PRR5L: variants seen among roughly 807,000 people sequenced by gnomAD.
PRR5L encodes proline-rich protein 5-like.
In PRR5L, 21 loss-of-function variants were observed where a neutral mutation model predicts 36.4. The observed-to-expected ratio is 0.58, with a 90% confidence interval of 0.41 to 0.83. PRR5L has a LOEUF of 0.83. Among genes scored for constraint, PRR5L ranks in the 40% least tolerant of loss-of-function variants. The pLI, the probability that PRR5L is intolerant of heterozygous loss-of-function variation, is 0.00. For synonymous variants in PRR5L, 188 were observed against 197.0 expected (o/e 0.95, Z 0.38); for missense variants, 381 against 473.3 (o/e 0.80, Z 1.81).
chr11:36,408,935 GA>G (rs931239949), intron 3 of PRR5L, among the ~76,000 whole-genome samples: 1 of 152,138 alleles, frequency 6.6e-6, no homozygotes, highest in Non-Finnish European at 1.5e-5. Flanking sequence ...TTTATTTATT[GA>G]ATAAATGTGG....
chr11:36,322,528 T>C (rs1038639740), intron 1 of PRR5L, among the ~76,000 whole-genome samples: 5 of 152,208 alleles, frequency 3.3e-5, no homozygotes, highest in Non-Finnish European at 7.3e-5. Context: ...CTTTCTCTAG[T>C]CCATGTTATT....
chr11:36,419,310 T>C lies in PRR5L; in HGVS notation c.294+7T>C, dbSNP rs1481808925. The C allele has an allele frequency of 1.9e-6, 3 of 1,612,838 alleles. No individual in the cohort carries two copies. Among genetic ancestry groups the C allele is most frequent in the Non-Finnish European group, 2.5e-6 (3 of 1,178,784 alleles). ...CATTACAGACTATTTTCAGGTAAGC[T>C]GTGTGGATCTGAGCATCCATCATTA... On this transcript the variant is annotated splice_region_variant and intron_variant, in intron 4 of 8. Transcript: ENST00000530639.
rs528405019 is a variant in PRR5L at position 36,430,235 on chromosome 11, C to A, written c.295-1618C>A. On this transcript the variant is annotated intron_variant, in intron 4 of 8. Transcript: ENST00000530639. ...GACCAGCCTGGCCAACATGGTGAAA[C>A]CCCGTCTCTACCAAAAAAGTACAAA... Among the ~76,000 whole-genome samples the A allele has an allele frequency of 1.1e-4, 16 of 152,136 alleles. No homozygotes were observed. The East Asian group carries it at 2.9e-3, about 28-fold the overall frequency.
rs910966802 is a variant in PRR5L at position 36,296,321 on chromosome 11, C to G, written c.-243C>G. 6.6e-6 allele frequency: 1 copy of G among 152,162 alleles called. No individual in the cohort carries two copies. Among genetic ancestry groups the G allele is most frequent in the Non-Finnish European group, 1.5e-5 (1 of 68,070 alleles). 9.4% of individuals were successfully genotyped at this position (152,162 alleles called of 1,614,324 possible). ...GGCCCCAGGTCAGTGAGTGGCAAGC[C>G]AGGCCCAGAGATCTCTGCGCCCGTT... On this transcript the variant is annotated 5_prime_UTR_variant, in exon 1 of 9. Transcript: ENST00000530639.
chr11:36,401,286 G>A lies in PRR5L; in HGVS notation c.164+1G>A. On this transcript the variant is annotated splice_donor_variant, in intron 2 of 8. Coordinates refer to ENST00000530639, the MANE Select transcript of PRR5L (RefSeq NM_001160167.2). LOFTEE classifies it high-confidence loss of function. ...TGAGCTCCAGCTCAGCCTGGAACAG[G>A]TGAAGGAGGCTGCAGGATGTGGGGT... is the stretch of plus-strand genomic sequence containing the variant. 1 of 1,610,094 alleles carries A rather than the reference G, an allele frequency of 6.2e-7. No individual in the cohort carries two copies. The highest frequency in any genetic ancestry group is 8.5e-7 in the Non-Finnish European group (1 of 1,179,908).
chr11:36,342,189 T>C (rs1392037579), intron 1 of PRR5L, among the ~76,000 whole-genome samples: 1 of 152,180 alleles, frequency 6.6e-6, no homozygotes, highest in Non-Finnish European at 1.5e-5. Flanking sequence ...TAAGGGTGAA[T>C]TGGTGAACAC....
chr11:36,301,296 T>G (rs932210797), intron 1 of PRR5L, among the ~76,000 whole-genome samples: 1 of 152,054 alleles, frequency 6.6e-6, no homozygotes, highest in Admixed American at 6.5e-5. Flanking sequence ...GAAGCAGAGT[T>G]GTGACCAGAG....
At chr11:36,330,469 T>C (rs993831947) in intron 1 of PRR5L, among the ~76,000 whole-genome samples, 9 of 152,228 alleles carry the variant, frequency 5.9e-5, no homozygotes, top group African/African-American at 1.9e-4. Context: ...GTTACTTAGG[T>C]AATGTAATTA....
intron 7 of PRR5L, among the ~76,000 whole-genome samples, chr11:36,449,906 T>C (rs1183476397): frequency 6.6e-6 from 1 of 152,162 alleles, no homozygotes; most frequent in Admixed American, 6.5e-5. Flanking sequence ...CCACTTCTCC[T>C]TTTTCTGTGG....
Position 36,376,716 on chromosome 11 carries a change from G to A in PRR5L, c.-125-24281G>A, listed in dbSNP as rs547964918. 3.4e-4 allele frequency: 340 copies of A among 986,896 alleles called. 1 individual carries two copies. In the African/African-American group the frequency reaches 5.6e-3, roughly 16 times the overall value. 61.1% of individuals were successfully genotyped at this position (986,896 alleles called of 1,614,324 possible). A position where few individuals can be genotyped will look rare whatever the true frequency, so the allele number is the denominator to read the frequency against. On this transcript the variant is annotated intron_variant, in intron 1 of 8. Transcript: ENST00000530639. Reference sequence around the variant, plus strand: ...GGGACCCCAAGGAGGTGAGTGGTGGGTGGGGGGCGTCTCTGGGAGGGGCCG... The same window carrying A: ...GGGACCCCAAGGAGGTGAGTGGTGGATGGGGGGCGTCTCTGGGAGGGGCCG...
chr11:36,376,301 G>GA (rs1363763255), intron 1 of PRR5L: 2 of 1,103,178 alleles, frequency 1.8e-6, no homozygotes, highest in Non-Finnish European at 2.3e-6. Context: ...AGTGGGAGGA[G>GA]AAGGAGGAAG....
At chr11:36,336,316 T>C (rs747591232) in intron 1 of PRR5L, among the ~76,000 whole-genome samples, 1 of 152,144 alleles carries the variant, frequency 6.6e-6, no homozygotes, top group Non-Finnish European at 1.5e-5. Context: ...TGCAACCTCC[T>C]TCTCCTGGGC....
intron 4 of PRR5L, among the ~76,000 whole-genome samples, chr11:36,427,477 T>A (rs756066265): frequency 1.3e-5 from 2 of 152,106 alleles, no homozygotes; most frequent in Non-Finnish European, 2.9e-5. Context: ...TACAGCTCCA[T>A]CACTACAGCT....
intron 1 of PRR5L, among the ~76,000 whole-genome samples, chr11:36,306,974 T>C (rs918962552): frequency 2.6e-5 from 4 of 152,170 alleles, no homozygotes; most frequent in African/African-American, 9.7e-5. Context: ...ACAGGGTTGG[T>C]AGTGATGACT....
intron 3 of PRR5L, among the ~76,000 whole-genome samples, chr11:36,405,054 G>GGA (rs1489415632): frequency 5.3e-5 from 8 of 152,132 alleles, no homozygotes; most frequent in African/African-American, 1.7e-4. Flanking sequence ...TTTCACTTTG[G>GGA]GAGGCTGATC....
chr11:36,370,784 G>A (rs1051750194), intron 1 of PRR5L, among the ~76,000 whole-genome samples: 23 of 150,364 alleles, frequency 1.5e-4, no homozygotes, highest in African/African-American at 5.4e-4. Context: ...GGGAGGCTGA[G>A]GCAGGAGAAT....
intron 1 of PRR5L, chr11:36,376,046 C>G: frequency 2.7e-6 from 2 of 751,400 alleles, no homozygotes; most frequent in South Asian, 1.4e-5. Flanking sequence ...GCAGATCTCC[C>G]GTTGTGTGAG....
At chr11:36,332,311 C>A (rs1856727007) in intron 1 of PRR5L, among the ~76,000 whole-genome samples, 1 of 152,172 alleles carries the variant, frequency 6.6e-6, no homozygotes, top group Non-Finnish European at 1.5e-5. Context: ...AACAACCAAA[C>A]CAGCAAAACT....
intron 3 of PRR5L, among the ~76,000 whole-genome samples, chr11:36,409,778 C>T (rs1360496058): frequency 6.6e-6 from 1 of 152,216 alleles, no homozygotes; most frequent in African/African-American, 2.4e-5. Context: ...AAACTCCCCA[C>T]ACCCTGTGAG....
Sources: gnomAD v4.1 joint callset for allele counts (sites outside exome capture counted in the v4.1 genomes callset) on GRCh38, gnomAD v4.1.1 for gene constraint, MANE v1.5 for transcripts, NCBI Gene and HGNC (gene_info 2026-07-23, HGNC 2026-07-21) for gene names.